Variants in OR11A1 observed in about 807,000 individuals in gnomAD.
The protein encoded by OR11A1 is olfactory receptor 11A1.
For missense variants in OR11A1, 380 were observed against 378.2 expected (o/e 1.00, Z -0.04); for synonymous variants, 158 against 152.2 (o/e 1.04, Z -0.28).
chr6:29,440,875 T>A lies in OR11A1; in HGVS notation c.-388-8888A>T. ...GTGGTCACCCCCATCCTCAACCCCA[T>A]CATCTACAGCCTGCGGAACACAGAG... is the stretch of plus-strand genomic sequence containing the variant. On this transcript the variant is annotated intron_variant, in intron 1 of 4. Transcript: ENST00000377149. 2 of 1,613,790 alleles carry A rather than the reference T, an allele frequency of 1.2e-6. No individual in the cohort carries two copies. Among genetic ancestry groups the A allele is most frequent in the South Asian group, 1.1e-5 (1 of 91,078 alleles).
intron 1 of OR11A1, among the ~76,000 whole-genome samples, chr6:29,456,466 C>A (rs1340071329): frequency 6.6e-6 from 1 of 151,138 alleles, no homozygotes; most frequent in African/African-American, 2.4e-5. Context: ...GCCGAGATCG[C>A]GCCACTGCAC....
At chr6:29,446,688 A>C (rs1283705992) in intron 1 of OR11A1, among the ~76,000 whole-genome samples, 1 of 152,242 alleles carries the variant, frequency 6.6e-6, no homozygotes. Flanking sequence ...GAAGCACAGA[A>C]GTTAAAAGTC....
At chr6:29,440,064 TC>T in intron 1 of OR11A1, 1 of 1,613,200 alleles carries the variant, frequency 6.2e-7, no homozygotes. Context: ...TCTCGGCTTC[TC>T]CCACCTGGCC....
chr6:29,448,323 C>T (rs1293920133), intron 1 of OR11A1, among the ~76,000 whole-genome samples: 2 of 152,128 alleles, frequency 1.3e-5, no homozygotes, highest in South Asian at 4.1e-4. Flanking sequence ...CCACACGACC[C>T]TTTCTAAGGA....
intron 2 of OR11A1, among the ~76,000 whole-genome samples, 188 bp downstream of exon 2, chr6:29,431,676 A>G (rs1036605958): frequency 6.6e-6 from 1 of 152,246 alleles, no homozygotes; most frequent in Non-Finnish European, 1.5e-5. Flanking sequence ...AGAAAAGAGC[A>G]GCACTGGTAT....
chr6:29,433,683 A>G (rs953681650), intron 1 of OR11A1, among the ~76,000 whole-genome samples: 1 of 151,936 alleles, frequency 6.6e-6, no homozygotes, highest in African/African-American at 2.4e-5. Flanking sequence ...GAATATATAC[A>G]CAGACAAGGG....
At chr6:29,440,283 C>T (rs144341646) in intron 1 of OR11A1, 24 of 1,613,928 alleles carry the variant, frequency 1.5e-5, no homozygotes, top group East Asian at 2.2e-5. Flanking sequence ...TGGCCGGCGC[C>T]ACATCTCTCG....
chr6:29,427,070 G>A lies in OR11A1; in HGVS notation c.572C>T (p.Ser191Leu), dbSNP rs138702789. The part of the protein sequence containing the change: ...DFMLFVGLAC[S>L]DPRVAQVTTL... ...TGTCACCTGAGCCACTCTGGGATCC[G>A]AGCAAGCCAGGCCCACGAAAAGCAT... The change falls in exon 5 of 5, where the codon TCG becomes TTG. Residue 191 changes from serine to leucine, a missense_variant. Coordinates refer to ENST00000377149, the MANE Select transcript of OR11A1 (RefSeq NM_001394828.1). 2.0e-5 allele frequency: 33 copies of A among 1,612,056 alleles called. No homozygotes were observed. Among genetic ancestry groups the A allele is most frequent in the Non-Finnish European group, 2.5e-5 (30 of 1,179,988 alleles).
At chr6:29,439,372 G>A (rs1263785363) in intron 1 of OR11A1, 1 of 152,126 alleles carries the variant, frequency 6.6e-6, no homozygotes, top group East Asian at 1.9e-4. Context: ...CTAGAGAAAT[G>A]CTCACCCCTC....
At position 29,438,541 on chromosome 6, in the gene OR11A1, A is replaced by C. The variant is rs577041990; in HGVS notation, c.-388-6554T>G. Among the ~76,000 whole-genome samples, 141 of 152,228 alleles carry C rather than the reference A, an allele frequency of 9.3e-4. No individual in the cohort carries two copies. The Middle Eastern group carries it at 0.017, about 18-fold the overall frequency. ...TAGAACATCTACAGTGATGGGAAAA[A>C]ATCATGAGAAAAAAGAAGAAAATTA... On this transcript the variant is annotated intron_variant, in intron 1 of 4. Coordinates refer to ENST00000377149, the MANE Select transcript of OR11A1 (RefSeq NM_001394828.1).
intron 1 of OR11A1, among the ~76,000 whole-genome samples, chr6:29,451,989 C>G (rs1221617227): frequency 1.3e-5 from 2 of 152,110 alleles, no homozygotes; most frequent in African/African-American, 4.8e-5. Flanking sequence ...CCATGGAATA[C>G]TATACACCCA....
At chr6:29,438,113 A>G (rs1402233667) in intron 1 of OR11A1, among the ~76,000 whole-genome samples, 3 of 152,236 alleles carry the variant, frequency 2.0e-5, no homozygotes, top group African/African-American at 7.2e-5. Flanking sequence ...AAGTAAATTT[A>G]TTACTTAAAC....
At position 29,428,953 on chromosome 6, in the gene OR11A1, T is replaced by C. The variant is rs1228034607; in HGVS notation, c.-132A>G. 1 of 971,768 alleles carries C rather than the reference T, an allele frequency of 1.0e-6. No individual in the cohort carries two copies. Among genetic ancestry groups the C allele is most frequent in the African/African-American group, 1.8e-5 (1 of 56,686 alleles). 60.2% of individuals were successfully genotyped at this position (971,768 alleles called of 1,614,324 possible). On this transcript the variant is annotated 5_prime_UTR_variant, in exon 4 of 5. Coordinates refer to ENST00000377149, the MANE Select transcript of OR11A1 (RefSeq NM_001394828.1). ...CATATGCTATTCAAAGCAATATGTG[T>C]TTATTAACTGAAGACAATGAGAGAG...
chr6:29,431,198 A>T (rs574541610), intron 2 of OR11A1, among the ~76,000 whole-genome samples: 2 of 152,314 alleles, frequency 1.3e-5, no homozygotes, highest in South Asian at 2.1e-4. Context: ...AAAATATTTT[A>T]AAAAATATAT....
At position 29,427,740 on chromosome 6, in the gene OR11A1, A is replaced by G; in HGVS notation, c.-91-8T>C. 6.9e-7 allele frequency: 1 copy of G among 1,457,320 alleles called. No homozygotes were observed. Among genetic ancestry groups the G allele is most frequent in the Non-Finnish European group, 9.0e-7 (1 of 1,105,044 alleles). The allele number at this position is 1,457,320 out of a possible 1,614,324, so 90.3% of individuals were successfully genotyped here. ...AGCCTAACGTTATTAGAGCTAAAACAAAACAAAACAAAAAAGACAAAAATG... is the reference window on the plus strand; with the variant it reads ...AGCCTAACGTTATTAGAGCTAAAACGAAACAAAACAAAAAAGACAAAAATG... On this transcript the variant is annotated splice_region_variant and splice_polypyrimidine_tract_variant and intron_variant, in intron 4 of 4. Transcript: ENST00000377149.
At chr6:29,443,926 C>A (rs1784459640) in intron 1 of OR11A1, among the ~76,000 whole-genome samples, 1 of 151,416 alleles carries the variant, frequency 6.6e-6, no homozygotes, top group South Asian at 2.1e-4. Context: ...TGTAACCCAG[C>A]ACATTAGTCT....
intron 4 of OR11A1, among the ~76,000 whole-genome samples, 140 bp downstream of exon 4, chr6:29,428,756 CAAAAAAAAAAAAAAAAA>C (rs11424255): frequency 2.1e-5 from 1 of 47,874 alleles, no homozygotes; most frequent in African/African-American, 8.7e-5. Context: ...AACTCCATCT[CAAAAAAAAAAAAAAAAA>C]AAAAAAAAAA....
chr6:29,445,494 GAA>G (rs2151389203), intron 1 of OR11A1, among the ~76,000 whole-genome samples: 1 of 152,290 alleles, frequency 6.6e-6, no homozygotes, highest in East Asian at 1.9e-4. Flanking sequence ...GGCTCACAAG[GAA>G]AGCCATCTCT....
chr6:29,446,384 G>A (rs1266237699), intron 1 of OR11A1, among the ~76,000 whole-genome samples: 1 of 151,986 alleles, frequency 6.6e-6, no homozygotes, highest in Non-Finnish European at 1.5e-5. Flanking sequence ...TTATTAATCT[G>A]TCTCATCTAC....
Sources: gnomAD v4.1 joint callset for allele counts (sites outside exome capture counted in the v4.1 genomes callset) on GRCh38, gnomAD v4.1.1 for gene constraint, MANE v1.5 for transcripts, NCBI Gene and HGNC (gene_info 2026-07-23, HGNC 2026-07-21) for gene names.